The following BMPER variants were observed in gnomAD, a reference collection of about 807,000 sequenced individuals.
BMPER encodes BMP-binding endothelial regulator protein.
A neutral mutation model predicts 87.3 loss-of-function variants in BMPER; 45 were observed. The ratio of observed to expected loss-of-function variants is 0.52; its 90% CI spans 0.41 to 0.66. BMPER has a LOEUF of 0.66. Ranked by LOEUF, BMPER falls within the 30% of genes least tolerant of loss-of-function variation. The pLI is 0.00. For missense variants in BMPER, 784 were observed against 867.5 expected (o/e 0.90, Z 1.21); for synonymous variants, 326 against 316.2 (o/e 1.03, Z -0.33).
chr7:34,101,712 C>T (rs1227679476), intron 13 of BMPER, among the ~76,000 whole-genome samples: 1 of 152,180 alleles, frequency 6.6e-6, no homozygotes, highest in East Asian at 1.9e-4. Context: ...TTCTTGGGAA[C>T]TGTGACCGAC....
intron 13 of BMPER, among the ~76,000 whole-genome samples, chr7:34,100,812 AT>A (rs1386022622): frequency 6.6e-6 from 1 of 152,156 alleles, no homozygotes; most frequent in African/African-American, 2.4e-5. Flanking sequence ...TGCAGAATAC[AT>A]CTGGGGTGAG....
chr7:34,025,372 G>GA (rs2127948320), intron 6 of BMPER, among the ~76,000 whole-genome samples: 1 of 152,132 alleles, frequency 6.6e-6, no homozygotes, highest in African/African-American at 2.4e-5. Flanking sequence ...AGGCACATAG[G>GA]AGAAAGACCT....
At chr7:34,026,569 C>A (rs766355239) in intron 6 of BMPER, among the ~76,000 whole-genome samples, 16 of 152,008 alleles carry the variant, frequency 1.1e-4, no homozygotes, top group South Asian at 8.3e-4. Context: ...TTAAAGCATA[C>A]TGGGGAAGGA....
At chr7:34,137,153 A>G (rs1790740362) in intron 13 of BMPER, among the ~76,000 whole-genome samples, 1 of 152,280 alleles carries the variant, frequency 6.6e-6, no homozygotes, top group South Asian at 2.1e-4. Flanking sequence ...TGGTTAAAGC[A>G]GAATCCTCTC....
chr7:33,928,725 TA>T (rs968103727), intron 2 of BMPER, among the ~76,000 whole-genome samples: 5 of 144,794 alleles, frequency 3.5e-5, no homozygotes, highest in East Asian at 2.0e-4. Flanking sequence ...TAAAGCCCAT[TA>T]AAAAAAAATG....
intron 3 of BMPER, among the ~76,000 whole-genome samples, chr7:33,943,803 G>T (rs983259690): frequency 6.6e-6 from 1 of 152,080 alleles, no homozygotes; most frequent in Non-Finnish European, 1.5e-5. Context: ...ACTTCACACT[G>T]CAACATTCAC....
At chr7:34,024,385 AT>A (rs1787295104) in intron 6 of BMPER, among the ~76,000 whole-genome samples, 38 of 3,722 alleles carry the variant, frequency 0.01, no homozygotes, top group Admixed American at 0.02. Context: ...AAAAAAAACA[AT>A]ATATATATAT....
intron 13 of BMPER, among the ~76,000 whole-genome samples, chr7:34,114,608 C>T (rs922464154): frequency 2.0e-5 from 3 of 152,186 alleles, no homozygotes; most frequent in Non-Finnish European, 4.4e-5. Context: ...AAGTAAATGT[C>T]ATTGCAAACT....
chr7:34,064,016 G>T (rs1788509819), intron 11 of BMPER, among the ~76,000 whole-genome samples: 1 of 152,360 alleles, frequency 6.6e-6, no homozygotes, highest in South Asian at 2.1e-4. Context: ...GCCAGGCGCA[G>T]TGCCTTATGC....
At chr7:34,056,916 G>A (rs1355902500) in intron 9 of BMPER, among the ~76,000 whole-genome samples, 1 of 152,146 alleles carries the variant, frequency 6.6e-6, no homozygotes, top group Non-Finnish European at 1.5e-5. Flanking sequence ...GCGCCCGGCT[G>A]CAATACACTT....
At chr7:34,056,817 C>T (rs1222407078) in intron 9 of BMPER, among the ~76,000 whole-genome samples, 1 of 152,060 alleles carries the variant, frequency 6.6e-6, no homozygotes, top group East Asian at 1.9e-4. Flanking sequence ...GGGATATTGC[C>T]ATGTTGGTCA....
intron 13 of BMPER, among the ~76,000 whole-genome samples, chr7:34,111,599 T>A (rs1278846586): frequency 6.6e-6 from 1 of 152,250 alleles, no homozygotes; most frequent in African/African-American, 2.4e-5. Flanking sequence ...CTTGGTAATC[T>A]GTGTGAATCT....
chr7:33,933,116 G>T lies in BMPER; in HGVS notation c.220-4173G>T, dbSNP rs148159198. On this transcript the variant is annotated intron_variant, in intron 2 of 14. Transcript: ENST00000649409. ...ATCCTGTTTGAACTTGGCTTGCGGC[G>T]GGAGCTGTGGTTTGGCTCAAATCCT... is the stretch of plus-strand genomic sequence containing the variant. Among the ~76,000 whole-genome samples the T allele has an allele frequency of 2.8e-3, 427 of 152,298 alleles. 1 individual carries two copies. Among genetic ancestry groups the T allele is most frequent in the African/African-American group, 9.9e-3 (410 of 41,574 alleles).
chr7:33,912,724 A>G (rs915159843), intron 2 of BMPER, among the ~76,000 whole-genome samples: 1 of 152,194 alleles, frequency 6.6e-6, no homozygotes, highest in Non-Finnish European at 1.5e-5. Context: ...TATGAGTAAC[A>G]CCACCTTTCA....
Position 34,129,619 on chromosome 7 carries a change from AGAGAGAAAGAG to A in BMPER, c.1746-13610_1746-13600del, listed in dbSNP as rs1403213702. ...GAGAGAGAGAGAGAGAAAGAGAGAG[AGAGAGAAAGAG>A]AGAAAGAAAGAAAGAAAGAAAGAAA... On this transcript the variant is annotated intron_variant, in intron 13 of 14. Transcript: ENST00000649409. 6.5e-3 allele frequency among the ~76,000 whole-genome samples: 882 copies of A among 135,680 alleles called. 6 individuals carry two copies. Among genetic ancestry groups the A allele is most frequent in the African/African-American group, 0.012 (403 of 34,740 alleles). 89.0% of individuals were successfully genotyped at this position (135,680 alleles called of 152,430 possible).
intron 6 of BMPER, among the ~76,000 whole-genome samples, chr7:34,040,525 A>AT (rs1194443982): frequency 0.032 from 4,754 of 148,136 alleles, 269 homozygotes; most frequent in African/African-American, 0.11. Context: ...GCTGTCAATA[A>AT]TTTTTTTTTT....
At chr7:34,098,657 A>G (rs1281255270) in intron 13 of BMPER, among the ~76,000 whole-genome samples, 1 of 152,160 alleles carries the variant, frequency 6.6e-6, no homozygotes, top group Non-Finnish European at 1.5e-5. Context: ...AGGTAGATGC[A>G]TTTGAACTGC....
At chr7:33,938,799 G>A (rs577197280) in intron 3 of BMPER, among the ~76,000 whole-genome samples, 1 of 152,246 alleles carries the variant, frequency 6.6e-6, no homozygotes, top group Non-Finnish European at 1.5e-5. Flanking sequence ...GCCAAAGTGG[G>A]CGGATTACTT....
At chr7:34,102,334 A>G (rs1322233641) in intron 13 of BMPER, among the ~76,000 whole-genome samples, 5 of 152,150 alleles carry the variant, frequency 3.3e-5, no homozygotes, top group Non-Finnish European at 7.3e-5. Context: ...TTCTAAACCA[A>G]TCACCCTAGT....
Sources: gnomAD v4.1 joint callset for allele counts (sites outside exome capture counted in the v4.1 genomes callset) on GRCh38, gnomAD v4.1.1 for gene constraint, MANE v1.5 for transcripts, NCBI Gene and HGNC (gene_info 2026-07-23, HGNC 2026-07-21) for gene names.